GXYLT1: variants seen among roughly 807,000 people sequenced by gnomAD.
GXYLT1 encodes the protein glucoside xylosyltransferase 1, also known as glycosyltransferase 8 domain containing 3.
In GXYLT1, 29 loss-of-function variants were observed where a neutral mutation model predicts 54.0. The ratio of observed to expected loss-of-function variants is 0.54; its 90% CI spans 0.40 to 0.73. The LOEUF is 0.73. Among genes scored for constraint, GXYLT1 ranks in the 30% least tolerant of loss-of-function variants. The probability of loss-of-function intolerance (pLI) is 0.00; values close to 1 mark genes in which losing one functional copy is unlikely to be tolerated. For missense variants in GXYLT1, 490 were observed against 553.4 expected, an observed-to-expected ratio of 0.89 and a Z score of 1.15; for synonymous variants, 176 against 204.1, an observed-to-expected ratio of 0.86 and a Z score of 1.17.
At chr12:42,137,762 G>GAAAAAAAAA (rs56387868) in intron 1 of GXYLT1, among the ~76,000 whole-genome samples, 5 of 107,176 alleles carry the variant, frequency 4.7e-5, no homozygotes, top group Admixed American at 1.1e-4. Context: ...ATCTCAAATT[G>GAAAAAAAAA]AAAAAAAAAA....
chr12:42,143,313 T>C (rs2065662107), intron 1 of GXYLT1, among the ~76,000 whole-genome samples: 1 of 152,210 alleles, frequency 6.6e-6, no homozygotes, highest in Non-Finnish European at 1.5e-5. Flanking sequence ...AAGTCTTCAG[T>C]GACTGCTTTC....
chr12:42,101,105 G>C (rs892404776), intron 5 of GXYLT1, among the ~76,000 whole-genome samples: 1 of 151,960 alleles, frequency 6.6e-6, no homozygotes, highest in Non-Finnish European at 1.5e-5. Context: ...AAGCGATAAC[G>C]CTAGTATTAT....
At chr12:42,110,810 T>C (rs1407366359) in intron 3 of GXYLT1, among the ~76,000 whole-genome samples, 2 of 152,240 alleles carry the variant, frequency 1.3e-5, no homozygotes, top group Non-Finnish European at 2.9e-5. Flanking sequence ...CAAAATAAAA[T>C]CTTAGTCACT....
chr12:42,142,516 T>A (rs2065657598), intron 1 of GXYLT1, among the ~76,000 whole-genome samples: 1 of 145,552 alleles, frequency 6.9e-6, no homozygotes, highest in Admixed American at 6.9e-5. Flanking sequence ...TTTTTTTAAT[T>A]TTTTTATTTT....
intron 2 of GXYLT1, among the ~76,000 whole-genome samples, chr12:42,128,002 A>G (rs2065573215): frequency 1.3e-5 from 2 of 152,254 alleles, no homozygotes; most frequent in South Asian, 4.1e-4. Context: ...TACTGTATTG[A>G]GAATGCAAGA....
intron 2 of GXYLT1, among the ~76,000 whole-genome samples, chr12:42,120,697 A>C (rs2065525685): frequency 6.8e-6 from 1 of 147,210 alleles, no homozygotes; most frequent in South Asian, 2.2e-4. Flanking sequence ...ATGTCCAACT[A>C]ATCTTTTTTT....
chr12:42,121,231 A>G (rs2136907666), intron 2 of GXYLT1, among the ~76,000 whole-genome samples: 1 of 152,320 alleles, frequency 6.6e-6, no homozygotes, highest in Admixed American at 6.5e-5. Flanking sequence ...CTTGCCCCAA[A>G]GTCAAAGGCC....
intron 2 of GXYLT1, among the ~76,000 whole-genome samples, chr12:42,126,756 G>A (rs1183784861): frequency 1.3e-5 from 2 of 151,944 alleles, no homozygotes; most frequent in Non-Finnish European, 2.9e-5. Flanking sequence ...AGTGGCAGAT[G>A]CCTGTAGTCC....
Sources: allele counts gnomAD v4.1 joint callset (sites outside exome capture counted in the v4.1 genomes callset), GRCh38; gene constraint gnomAD v4.1.1; transcripts MANE v1.5; gene names NCBI Gene and HGNC (gene_info 2026-07-23, HGNC 2026-07-21).